The following LRFN5 variants were observed in gnomAD, a reference collection of about 807,000 sequenced individuals.
LRFN5 encodes the protein leucine-rich repeat and fibronectin type-III domain-containing protein 5.
Under a neutral mutation model 45.6 loss-of-function variants are expected in LRFN5, and 24 were observed. The ratio of observed to expected loss-of-function variants is 0.53; its 90% CI spans 0.38 to 0.74. The LOEUF is 0.74. Among genes scored for constraint, LRFN5 ranks in the 30% least tolerant of loss-of-function variants. The pLI is 0.00. For missense variants in LRFN5, 776 were observed against 861.5 expected (o/e 0.90, Z 1.24); for synonymous variants, 340 against 313.8 (o/e 1.08, Z -0.88).
intron 1 of LRFN5, among the ~76,000 whole-genome samples, chr14:41,625,526 T>A (rs1888298626): frequency 6.6e-6 from 1 of 152,108 alleles, no homozygotes; most frequent in Non-Finnish European, 1.5e-5. Flanking sequence ...CATAGCAGCG[T>A]GAGAATGGAT....
chr14:41,696,463 G>A (rs1385136833), intron 1 of LRFN5, among the ~76,000 whole-genome samples: 2 of 150,540 alleles, frequency 1.3e-5, no homozygotes, highest in Non-Finnish European at 3.0e-5. Flanking sequence ...AGAGCCAAAT[G>A]ATGCGGCATT....
intron 1 of LRFN5, among the ~76,000 whole-genome samples, chr14:41,756,138 G>A (rs893599722): frequency 1.1e-4 from 17 of 152,292 alleles, no homozygotes; most frequent in African/African-American, 3.9e-4. Flanking sequence ...GAGATCAGCT[G>A]TTAGTCTGAT....
intron 2 of LRFN5, among the ~76,000 whole-genome samples, chr14:41,793,238 C>A (rs1387488066): frequency 3.3e-5 from 5 of 152,002 alleles, no homozygotes; most frequent in African/African-American, 1.2e-4. Context: ...GGGGCTCCAG[C>A]CGGTCCCTCC....
In LRFN5 at chr14:41,607,081, C is replaced by A. The variant is rs116080372; in HGVS notation, c.-1678C>A. 0.022 allele frequency among the ~76,000 whole-genome samples: 3,280 copies of A among 152,262 alleles called. 105 individuals carry two copies. Among genetic ancestry groups the A allele is most frequent in the African/African-American group, 0.071 (2,968 of 41,556 alleles). ...GGCCAGCGGGCGGGGCGCTGTGTTC[C>A]GCGGCGCGCAGGGAGGCGGTGAGCG... On this transcript the variant is annotated 5_prime_UTR_variant, in exon 1 of 6. Coordinates refer to ENST00000298119, the MANE Select transcript of LRFN5 (RefSeq NM_152447.5).
chr14:41,844,913 T>C (rs1011644050), intron 2 of LRFN5, among the ~76,000 whole-genome samples: 9 of 152,122 alleles, frequency 5.9e-5, no homozygotes, highest in Non-Finnish European at 1.2e-4. Flanking sequence ...TAAGAAGAAA[T>C]GGATTTGAAT....
At chr14:41,795,770 C>T (rs1566447322) in intron 2 of LRFN5, among the ~76,000 whole-genome samples, 1 of 147,544 alleles carries the variant, frequency 6.8e-6, no homozygotes, top group Non-Finnish European at 1.5e-5. Flanking sequence ...ACACCAGGGC[C>T]TGTCGTAGGT....
intron 1 of LRFN5, among the ~76,000 whole-genome samples, chr14:41,712,675 G>A (rs1883334485): frequency 6.6e-6 from 1 of 152,134 alleles, no homozygotes. Flanking sequence ...GAAAGAGAAG[G>A]TGATTACTAT....
At chr14:41,687,050 G>A (rs887671086) in intron 1 of LRFN5, among the ~76,000 whole-genome samples, 3 of 152,198 alleles carry the variant, frequency 2.0e-5, no homozygotes, top group African/African-American at 7.2e-5. Context: ...GCACATGAGA[G>A]TGAACAGGCA....
intron 1 of LRFN5, among the ~76,000 whole-genome samples, chr14:41,651,814 T>G (rs545345561): frequency 3.2e-4 from 49 of 152,326 alleles, no homozygotes; most frequent in African/African-American, 1.2e-3. Context: ...AGAAATTTAC[T>G]TTTTCACAAT....
chr14:41,732,428 T>G (rs1048606499), intron 1 of LRFN5, among the ~76,000 whole-genome samples: 1 of 152,150 alleles, frequency 6.6e-6, no homozygotes, highest in African/African-American at 2.4e-5. Context: ...AGCCAGACAT[T>G]GATAACTAAA....
intron 1 of LRFN5, among the ~76,000 whole-genome samples, chr14:41,712,331 G>A (rs1176757435): frequency 6.6e-6 from 1 of 152,146 alleles, no homozygotes; most frequent in Non-Finnish European, 1.5e-5. Context: ...GGAGGCTAAG[G>A]TAGGAGGATT....
chr14:41,886,530 A>T, intron 2 of LRFN5, 76 bp from the exon 3 acceptor site: 1 of 960,006 alleles, frequency 1.0e-6, no homozygotes, highest in South Asian at 1.8e-5. Context: ...TTGCATACAA[A>T]TATTATTCTA....
At chr14:41,860,819 G>A (rs1889635063) in intron 2 of LRFN5, among the ~76,000 whole-genome samples, 1 of 152,164 alleles carries the variant, frequency 6.6e-6, no homozygotes, top group Non-Finnish European at 1.5e-5. Flanking sequence ...TTCTTTAGCA[G>A]ATGAAGGAGG....
intron 2 of LRFN5, among the ~76,000 whole-genome samples, chr14:41,768,170 A>T: frequency 6.6e-6 from 1 of 152,156 alleles, no homozygotes; most frequent in Admixed American, 6.5e-5. Context: ...ATAGAAATGC[A>T]TATGTTATTA....
intron 1 of LRFN5, among the ~76,000 whole-genome samples, chr14:41,674,990 A>T (rs1881540535): frequency 6.9e-6 from 1 of 144,168 alleles, no homozygotes. Context: ...GTCGCTCCCC[A>T]CATCTCAGAC....
intron 1 of LRFN5, among the ~76,000 whole-genome samples, chr14:41,628,473 A>G (rs117997372): frequency 0.014 from 2,142 of 152,188 alleles, 26 homozygotes; most frequent in Non-Finnish European, 0.022. Flanking sequence ...GTGTGGTGGC[A>G]TGCACCTGTA....
chr14:41,899,105 G>T, intron 5 of LRFN5, 145 bp downstream of exon 5: 1 of 646,832 alleles, frequency 1.5e-6, no homozygotes. Flanking sequence ...CAACAGTGAA[G>T]ATTGAAGTTT....
chr14:41,862,990 G>A (rs867061776), intron 2 of LRFN5, among the ~76,000 whole-genome samples: 2 of 149,524 alleles, frequency 1.3e-5, no homozygotes, highest in South Asian at 2.1e-4. Flanking sequence ...TCAGCCTCCC[G>A]AGTAGGTGGG....
chr14:41,756,968 T>G (rs961843688), intron 1 of LRFN5, among the ~76,000 whole-genome samples: 5 of 152,306 alleles, frequency 3.3e-5, no homozygotes, highest in African/African-American at 1.2e-4. Context: ...TTAGCTTTCC[T>G]TCTAACTGTC....
Sources: gnomAD v4.1 joint callset for allele counts (sites outside exome capture counted in the v4.1 genomes callset) on GRCh38, gnomAD v4.1.1 for gene constraint, MANE v1.5 for transcripts, NCBI Gene and HGNC (gene_info 2026-07-23, HGNC 2026-07-21) for gene names.